The following LEMD3 variants were observed in gnomAD, a reference collection of about 807,000 sequenced individuals.
The protein encoded by LEMD3 is LEM domain containing 3, also known as inner nuclear membrane protein Man1.
A neutral mutation model predicts 95.2 loss-of-function variants in LEMD3; 33 were observed. That is an observed-to-expected ratio of 0.35 (90% CI 0.26 to 0.46). LEMD3 has a LOEUF of 0.46. Ranked by LOEUF, LEMD3 falls within the 20% of genes least tolerant of loss-of-function variation. The pLI is 1.00. For synonymous variants in LEMD3, 525 were observed against 474.6 expected (o/e 1.11, Z -1.38); for missense variants, 1,210 against 1,192.8 (o/e 1.01, Z -0.21).
chr12:65,208,153 C>T (rs908388389), intron 1 of LEMD3, among the ~76,000 whole-genome samples: 7 of 151,924 alleles, frequency 4.6e-5, no homozygotes, highest in Admixed American at 1.3e-4. Flanking sequence ...AGGACCTTTA[C>T]AAAGAAAAGC....
chr12:65,225,129 G>C (rs566312797), intron 4 of LEMD3, among the ~76,000 whole-genome samples: 1 of 152,182 alleles, frequency 6.6e-6, no homozygotes, highest in South Asian at 2.1e-4. Context: ...CTTGATTCAT[G>C]CATTGTTTTC....
Position 65,170,584 on chromosome 12 carries a change from A to G in LEMD3, c.988A>G (p.Arg330Gly), listed in dbSNP as rs768546772. The G allele has an allele frequency of 1.9e-6, 3 of 1,613,992 alleles. No individual in the cohort carries two copies. The highest frequency in any genetic ancestry group is 2.2e-5 in the East Asian group (1 of 44,854). Residue 330 changes from arginine to glycine, a missense_variant, in exon 1 of 13, where the codon AGG becomes GGG. Arg to Gly is a moderately radical substitution (Grantham distance 125, BLOSUM62 -2). Around this residue, in one of 2 missense-constraint regions of LEMD3, gnomAD observed 749 missense variants for 622.9 expected, o/e 1.20. Transcript: ENST00000308330. ...DRAAAAGSLDRSRNLEEAAAA... is the reference protein window; with the variant it reads ...DRAAAAGSLDGSRNLEEAAAA... ...GGCGGCGGCTGCCGGGAGTCTAGACAGGAGCCGAAACCTCGAAGAGGCGGC... is the reference window on the plus strand; with the variant it reads ...GGCGGCGGCTGCCGGGAGTCTAGACGGGAGCCGAAACCTCGAAGAGGCGGC...
intron 1 of LEMD3, among the ~76,000 whole-genome samples, chr12:65,198,958 C>G (rs1167551921): frequency 6.6e-6 from 1 of 152,056 alleles, no homozygotes; most frequent in Non-Finnish European, 1.5e-5. Flanking sequence ...ACAGGGGTGT[C>G]TTTAGCTGAC....
In LEMD3 at chr12:65,179,404, A is replaced by G. The variant is rs181617896; in HGVS notation, c.1522+8286A>G. 2.0e-3 allele frequency among the ~76,000 whole-genome samples: 305 copies of G among 152,310 alleles called. 2 individuals are homozygous for G. The highest frequency in any genetic ancestry group is 6.9e-3 in the African/African-American group (286 of 41,572). On this transcript the variant is annotated intron_variant, in intron 1 of 12. Coordinates refer to ENST00000308330, the MANE Select transcript of LEMD3 (RefSeq NM_014319.5). ...TCTCCTTGCTCATTGATTATTCAATATTAACTTTCCCTATCTGAAAAATAT... is the reference window on the plus strand; with the variant it reads ...TCTCCTTGCTCATTGATTATTCAATGTTAACTTTCCCTATCTGAAAAATAT...
intron 8 of LEMD3, chr12:65,240,660 A>G: frequency 1.9e-6 from 1 of 539,418 alleles, no homozygotes; most frequent in Non-Finnish European, 3.3e-6. Context: ...CTGAAGCAGC[A>G]TCTTGACCCT....
chr12:65,229,308 A>T (rs1870553326), intron 4 of LEMD3, among the ~76,000 whole-genome samples: 1 of 152,138 alleles, frequency 6.6e-6, no homozygotes, highest in Admixed American at 6.6e-5. Context: ...ACTTAGGTTG[A>T]TTCCATATTA....
chr12:65,228,755 T>G (rs1393767288), intron 4 of LEMD3, among the ~76,000 whole-genome samples: 1 of 152,230 alleles, frequency 6.6e-6, no homozygotes. Context: ...TGTGATATTT[T>G]GATACATGTA....
At chr12:65,226,181 A>T (rs1168896028) in intron 4 of LEMD3, among the ~76,000 whole-genome samples, 1 of 152,194 alleles carries the variant, frequency 6.6e-6, no homozygotes, top group Admixed American at 6.5e-5. Flanking sequence ...GACAGAAACC[A>T]GTTGCCCCGA....
At chr12:65,178,893 T>C (rs1225960391) in intron 1 of LEMD3, among the ~76,000 whole-genome samples, 2 of 152,200 alleles carry the variant, frequency 1.3e-5, no homozygotes, top group Non-Finnish European at 2.9e-5. Context: ...AAGTATAGAT[T>C]CATAAAATCC....
chr12:65,169,923 A>C lies in LEMD3; in HGVS notation c.327A>C (p.Arg109=), dbSNP rs1374170360. The C allele has an allele frequency of 2.8e-6, 4 of 1,447,478 alleles. No individual in the cohort carries two copies. The South Asian group carries it at 4.4e-5, about 16-fold the overall frequency. The allele number at this position is 1,447,478 out of a possible 1,614,324, so 89.7% of individuals were successfully genotyped here. A position where few individuals can be genotyped will look rare whatever the true frequency, so the allele number is the denominator to read the frequency against. The change falls in exon 1 of 13, where the codon CGA becomes CGC. Residue 109 remains arginine (R), a synonymous_variant. Coordinates refer to ENST00000308330, the MANE Select transcript of LEMD3 (RefSeq NM_014319.5). ...TACGGACTCCTGGGGGCCTGTGCCG[A>C]ATCTCGGCCTCTGGCCCAGAGAGCC... ...SYLRTPGGLC[R]ISASGPESLL...
chr12:65,241,632 T>C (rs1870942174), intron 9 of LEMD3, among the ~76,000 whole-genome samples: 1 of 152,144 alleles, frequency 6.6e-6, no homozygotes, highest in African/African-American at 2.4e-5. Context: ...GGTAAGTTTA[T>C]AGGGGGTTTT....
chr12:65,213,350 T>A (rs1870002495), intron 2 of LEMD3, among the ~76,000 whole-genome samples: 1 of 152,030 alleles, frequency 6.6e-6, no homozygotes, highest in Non-Finnish European at 1.5e-5. Context: ...CTCAGTCTCC[T>A]GAGGAGCTGG....
intron 1 of LEMD3, among the ~76,000 whole-genome samples, chr12:65,173,037 G>A (rs1868606179): frequency 6.6e-6 from 1 of 152,152 alleles, no homozygotes; most frequent in Non-Finnish European, 1.5e-5. Context: ...CTCATTTTTG[G>A]ATGAGGATGA....
rs1032999011 is a variant in LEMD3, at chr12:65,169,961, C to G, written c.365C>G (p.Pro122Arg). 1 of 1,461,140 alleles carries G rather than the reference C, an allele frequency of 6.8e-7. No individual in the cohort carries two copies. The highest frequency in any genetic ancestry group is 9.0e-7 in the Non-Finnish European group (1 of 1,117,034). 90.5% of individuals were successfully genotyped at this position (1,461,140 alleles called of 1,614,324 possible). ...ASGPESLLGG[P>R]GGASAAPAAG... is the part of the protein sequence containing the mutation. ...GGCCCAGAGAGCCTCCTGGGAGGGCCCGGGGGCGCCTCCGCCGCCCCCGCG... is the reference window on the plus strand; with the variant it reads ...GGCCCAGAGAGCCTCCTGGGAGGGCGCGGGGGCGCCTCCGCCGCCCCCGCG... Residue 122 changes from proline to arginine, a missense_variant, in exon 1 of 13, where the codon CCC (proline) becomes CGC (arginine). Transcript: ENST00000308330.
chr12:65,233,703 A>T (rs1027611673), intron 4 of LEMD3, among the ~76,000 whole-genome samples: 1 of 152,062 alleles, frequency 6.6e-6, no homozygotes, highest in Admixed American at 6.6e-5. Context: ...TCCTTGCTTG[A>T]TTTCTCCCTA....
rs191832081 is a variant in LEMD3, at chr12:65,209,537, G to A, written c.1523-1389G>A. On this transcript the variant is annotated intron_variant, in intron 1 of 12. Coordinates refer to ENST00000308330, the MANE Select transcript of LEMD3 (RefSeq NM_014319.5). ...TTGAAAAATTAATATTATTAAAAAG[G>A]GTATCTTTTTAGTCCATGTGTTCTG... Among the ~76,000 whole-genome samples, 664 of 151,736 alleles carry A rather than the reference G, an allele frequency of 4.4e-3. 7 individuals are homozygous for A. The highest frequency in any genetic ancestry group is 0.015 in the African/African-American group (634 of 41,396).
intron 1 of LEMD3, among the ~76,000 whole-genome samples, chr12:65,187,104 C>G (rs1469637381): frequency 6.6e-6 from 1 of 152,008 alleles, no homozygotes; most frequent in African/African-American, 2.4e-5. Context: ...AGCAGATAAA[C>G]TTAAAATCAA....
rs1448535615 is a variant in LEMD3, at chr12:65,247,000, G to GTGTGTGTATATATGTA, written c.*685_*700dup. On this transcript the variant is annotated 3_prime_UTR_variant, in exon 13 of 13. Coordinates refer to ENST00000308330, the MANE Select transcript of LEMD3 (RefSeq NM_014319.5). ...CTTTCCATTTTATTCATAATCTAATGTGTGTGTATATATGTATGTGTGTAT... is the reference window on the plus strand; with the variant it reads ...CTTTCCATTTTATTCATAATCTAATGTGTGTGTATATATGTATGTGTGTATATATGTATGTGTGTAT... 2 of 153,804 alleles carry GTGTGTGTATATATGTA rather than the reference G, an allele frequency of 1.3e-5. No individual in the cohort carries two copies. The highest frequency in any genetic ancestry group is 4.8e-5 in the African/African-American group (2 of 41,392). 9.5% of individuals were successfully genotyped at this position (153,804 alleles called of 1,614,324 possible). A position where few individuals can be genotyped will look rare whatever the true frequency, so the allele number is the denominator to read the frequency against.
intron 1 of LEMD3, among the ~76,000 whole-genome samples, chr12:65,190,503 A>G (rs1041716479): frequency 4.6e-5 from 7 of 152,108 alleles, no homozygotes; most frequent in African/African-American, 1.4e-4. Context: ...CTTCCTTTCT[A>G]TACATCATAA....
Sources: allele counts gnomAD v4.1 joint callset (sites outside exome capture counted in the v4.1 genomes callset), GRCh38; gene constraint gnomAD v4.1.1; regional missense constraint gnomAD v4.1.1; transcripts MANE v1.5; gene names NCBI Gene and HGNC (gene_info 2026-07-23, HGNC 2026-07-21).